Variants in KDM4A observed in about 807,000 individuals in gnomAD.
KDM4A encodes the protein lysine demethylase 4A, also known as lysine-specific demethylase 4A.
In KDM4A, 23 loss-of-function variants were observed where a neutral mutation model predicts 127.1. That is an observed-to-expected ratio of 0.18 (90% CI 0.13 to 0.26). The LOEUF (loss-of-function observed/expected upper bound fraction) is 0.26, where lower values mean the gene tolerates loss of function less well. Ranked by LOEUF, KDM4A falls within the 10% of genes least tolerant of loss-of-function variation. KDM4A has a pLI of 1.00. For synonymous variants in KDM4A, 443 were observed against 466.5 expected (o/e 0.95, Z 0.65); for missense variants, 890 against 1,329.1 (o/e 0.67, Z 5.14).
intron 6 of KDM4A, chr1:43,666,147 A>C (rs1169699656): frequency 5.3e-6 from 2 of 380,142 alleles, no homozygotes; most frequent in African/African-American, 4.1e-5. Context: ...AAAAAAGATC[A>C]GGGATACAAG....
At chr1:43,703,841 G>A in intron 20 of KDM4A, 105 bp downstream of exon 20, 2 of 1,492,198 alleles carry the variant, frequency 1.3e-6, no homozygotes. Context: ...CTAATAGGTT[G>A]GTAACCCTTT....
At chr1:43,695,345 G>A (rs1227510011) in intron 18 of KDM4A, among the ~76,000 whole-genome samples, 1 of 152,230 alleles carries the variant, frequency 6.6e-6, no homozygotes, top group East Asian at 1.9e-4. Flanking sequence ...GACATGTAAT[G>A]TTAGCTAGAG....
At chr1:43,690,236 G>C (rs1661077024) in intron 13 of KDM4A, among the ~76,000 whole-genome samples, 1 of 152,220 alleles carries the variant, frequency 6.6e-6, no homozygotes, top group East Asian at 1.9e-4. Flanking sequence ...AGGAGCATCT[G>C]CTCTGGGTAC....
At chr1:43,665,619 T>C in intron 5 of KDM4A, 77 bp from the exon 6 acceptor site, 1 of 1,386,344 alleles carries the variant, frequency 7.2e-7, no homozygotes, top group Non-Finnish European at 1.0e-6. Flanking sequence ...TTTCAAGGTG[T>C]TTTGAGAGTG....
intron 4 of KDM4A, 100 bp from the exon 5 acceptor site, chr1:43,662,794 C>CA: frequency 1.0e-6 from 1 of 980,370 alleles, no homozygotes; most frequent in Non-Finnish European, 1.5e-6. Flanking sequence ...CAATGTTTGT[C>CA]AGAGATGACA....
At chr1:43,670,071 A>G (rs1473391547) in intron 10 of KDM4A, among the ~76,000 whole-genome samples, 1 of 152,224 alleles carries the variant, frequency 6.6e-6, no homozygotes, top group Non-Finnish European at 1.5e-5. Context: ...CTGGAGAAAT[A>G]GGAGATGATG....
At position 43,694,269 on chromosome 1, in the gene KDM4A, C is replaced by A. The variant is rs1661188844; in HGVS notation, c.2484+167C>A. Among the ~76,000 whole-genome samples, 2 of 152,126 alleles carry A rather than the reference C, an allele frequency of 1.3e-5. No individual in the cohort carries two copies. The highest frequency in any genetic ancestry group is 4.1e-4 in the South Asian group (2 of 4,834). ...TGGTGGCTCACACCTGTAATCCCAGCCCTTTGTGGGGCCGAGGTGGGTGAA... is the reference window on the plus strand; with the variant it reads ...TGGTGGCTCACACCTGTAATCCCAGACCTTTGTGGGGCCGAGGTGGGTGAA... On this transcript the variant is annotated intron_variant, in intron 17 of 21. Transcript: ENST00000372396. The surrounding 1 kb of genome is among the most constrained non-coding windows in gnomAD (Gnocchi z 5.2).
intron 1 of KDM4A, among the ~76,000 whole-genome samples, chr1:43,650,961 G>C (rs1660102498): frequency 6.6e-6 from 1 of 152,208 alleles, no homozygotes; most frequent in Non-Finnish European, 1.5e-5. Flanking sequence ...TGGGGGAAGG[G>C]AATCCTAGGG....
intron 6 of KDM4A, 73 bp downstream of exon 6, chr1:43,665,818 C>A: frequency 6.7e-7 from 1 of 1,484,872 alleles, no homozygotes. Context: ...CTAAAATGTG[C>A]GTTCCCCATG....
chr1:43,701,959 A>G (rs1343987075), intron 19 of KDM4A: 1 of 152,246 alleles, frequency 6.6e-6, no homozygotes, highest in African/African-American at 2.4e-5. Context: ...TTACTGCTTC[A>G]TCAAGGGATA....
intron 10 of KDM4A, among the ~76,000 whole-genome samples, chr1:43,669,522 A>C (rs1445363541): frequency 3.9e-5 from 6 of 152,118 alleles, no homozygotes; most frequent in Admixed American, 1.3e-4. Flanking sequence ...TCAGGGAAAC[A>C]CTGGAGGTTT....
chr1:43,691,356 G>A, intron 14 of KDM4A, 140 bp from the exon 15 acceptor site: 1 of 773,958 alleles, frequency 1.3e-6, no homozygotes, highest in Non-Finnish European at 2.2e-6. Flanking sequence ...TGAGCCCTGG[G>A]GACTCAGACT....
intron 4 of KDM4A, 74 bp downstream of exon 4, chr1:43,660,486 G>A (rs1660347856): frequency 1.3e-6 from 2 of 1,526,488 alleles, no homozygotes; most frequent in African/African-American, 1.4e-5. Context: ...CCGGCACGTA[G>A]TAGGCACCTA....
chr1:43,694,025 C>G lies in KDM4A; in HGVS notation c.2407C>G (p.Leu803Val). ...WVHVSCAVAI[L>V]EARFVNIAER... ...CCACGTTTCATGTGCTGTGGCAATT[C>G]TGGAAGCAAGGTTTGTCAACATTGC... is the stretch of plus-strand genomic sequence containing the variant. The change falls in exon 17 of 22, where the codon CTG becomes GTG. Residue 803 changes from leucine (L) to valine (V), a missense_variant. By Grantham distance (32) the Leu-to-Val change is conservative. Coordinates refer to ENST00000372396, the MANE Select transcript of KDM4A (RefSeq NM_014663.3). This position sits in a 1 kb window ranked among gnomAD's most constrained non-coding sequence, Gnocchi z 5.2. The G allele has an allele frequency of 6.2e-7, 1 of 1,614,248 alleles. No individual in the cohort carries two copies.
intron 11 of KDM4A, 135 bp from the exon 12 acceptor site, chr1:43,683,549 G>C (rs993802047): frequency 8.9e-6 from 9 of 1,011,022 alleles, no homozygotes; most frequent in Admixed American, 5.5e-5. Context: ...TCTAAGATAG[G>C]TATTTTCTGT....
intron 13 of KDM4A, among the ~76,000 whole-genome samples, chr1:43,690,437 G>A (rs867272569): frequency 2.0e-5 from 3 of 152,170 alleles, no homozygotes; most frequent in Non-Finnish European, 2.9e-5. Context: ...TAGTACAGAC[G>A]GGGTTTCACC....
intron 3 of KDM4A, among the ~76,000 whole-genome samples, chr1:43,658,847 T>C (rs914344231): frequency 6.6e-6 from 1 of 152,082 alleles, no homozygotes; most frequent in Non-Finnish European, 1.5e-5. Context: ...GATTTTGCCA[T>C]GTTGCTGGTC....
At position 43,694,324 on chromosome 1, in the gene KDM4A, C is replaced by G. The variant is rs1661190341; in HGVS notation, c.2484+222C>G. On this transcript the variant is annotated intron_variant, in intron 17 of 21. Transcript: ENST00000372396. The surrounding 1 kb of genome is among the most constrained non-coding windows in gnomAD (Gnocchi z 5.2). ...TTGAGGTCAGGAGTTCAAGACCAGCCTGGGCAACATGGTGAAACCCCGACT... is the reference window on the plus strand; with the variant it reads ...TTGAGGTCAGGAGTTCAAGACCAGCGTGGGCAACATGGTGAAACCCCGACT... Among the ~76,000 whole-genome samples, 1 of 152,022 alleles carries G rather than the reference C, an allele frequency of 6.6e-6. No individual in the cohort carries two copies.
At chr1:43,663,153 T>C in intron 5 of KDM4A, 66 bp downstream of exon 5, 1 of 1,417,958 alleles carries the variant, frequency 7.1e-7, no homozygotes, top group African/African-American at 1.4e-5. Flanking sequence ...TCATTGTGCG[T>C]GGGAAGCACC....
Sources: allele counts gnomAD v4.1 joint callset (sites outside exome capture counted in the v4.1 genomes callset), GRCh38; gene constraint gnomAD v4.1.1; non-coding constraint Gnocchi (gnomAD v3.1); transcripts MANE v1.5; gene names NCBI Gene and HGNC (gene_info 2026-07-23, HGNC 2026-07-21).